The following CCDC102B variants were observed in gnomAD, a reference collection of about 807,000 sequenced individuals.
CCDC102B encodes coiled-coil domain-containing protein 102B.
CCDC102B carries 75 observed loss-of-function variants against 57.4 expected under a neutral mutation model. The observed-to-expected ratio is 1.31, with a 90% CI of 1.08 to 1.58. The LOEUF (loss-of-function observed/expected upper bound fraction) is 1.58, where lower values mean the gene tolerates loss of function less well. CCDC102B is among the 40% of genes most tolerant of loss of function. CCDC102B has a pLI of 0.00. For missense variants in CCDC102B, 636 were observed against 582.6 expected (o/e 1.09, Z -0.94); for synonymous variants, 206 against 201.9 (o/e 1.02, Z -0.17).
chr18:68,822,057 A>T (rs2036711801), intron 1 of CCDC102B, among the ~76,000 whole-genome samples: 1 of 152,140 alleles, frequency 6.6e-6, no homozygotes, highest in Non-Finnish European at 1.5e-5. Context: ...AAAAATTATG[A>T]AAACTACTGT....
chr18:69,024,106 C>A lies in CCDC102B; in HGVS notation c.1434+13002C>A, dbSNP rs372103807. On this transcript the variant is annotated intron_variant, in intron 7 of 7. Transcript: ENST00000360242. The stretch of plus-strand genomic sequence containing the variant: ...CAAAAAAAAATAATAATGGGAAATA[C>A]GCTTTGGAGGTATTAAAGTTATGTT... Among the ~76,000 whole-genome samples the A allele has an allele frequency of 5.3e-5, 8 of 152,014 alleles. 1 individual carries two copies. In the South Asian group the frequency reaches 8.3e-4, roughly 16 times the overall value.
At chr18:68,939,717 T>G (rs530227221) in intron 6 of CCDC102B, among the ~76,000 whole-genome samples, 11 of 151,986 alleles carry the variant, frequency 7.2e-5, no homozygotes, top group African/African-American at 2.6e-4. Flanking sequence ...ATTTTGTTTT[T>G]GCATTTAAGT....
chr18:69,047,082 C>A (rs372806685), intron 7 of CCDC102B, among the ~76,000 whole-genome samples: 2 of 152,022 alleles, frequency 1.3e-5, no homozygotes, highest in Non-Finnish European at 2.9e-5. Context: ...TATTTGGGCT[C>A]TTTTTGCAGA....
chr18:68,953,954 T>C (rs1431873070), intron 6 of CCDC102B, among the ~76,000 whole-genome samples: 1 of 152,070 alleles, frequency 6.6e-6, no homozygotes, highest in African/African-American at 2.4e-5. Flanking sequence ...AAACTCAAAG[T>C]GAATGTCATT....
intron 6 of CCDC102B, among the ~76,000 whole-genome samples, chr18:68,939,445 A>G (rs1335602834): frequency 1.3e-5 from 2 of 151,716 alleles, no homozygotes; most frequent in Admixed American, 6.6e-5. Flanking sequence ...TCTATTCCAA[A>G]CATCATTCTT....
At chr18:68,767,163 G>A (rs2034496421) in intron 2 of CCDC102B, among the ~76,000 whole-genome samples, 1 of 152,170 alleles carries the variant, frequency 6.6e-6, no homozygotes, top group Non-Finnish European at 1.5e-5. Flanking sequence ...CTGCTTTGCT[G>A]TTAATTTACT....
chr18:68,803,854 A>T (rs2035940369), intron 1 of CCDC102B, among the ~76,000 whole-genome samples: 1 of 151,764 alleles, frequency 6.6e-6, no homozygotes, highest in African/African-American at 2.4e-5. Flanking sequence ...GAGTTCAGGG[A>T]TGGTTTATGT....
chr18:68,854,161 C>T (rs1052248153), intron 4 of CCDC102B, among the ~76,000 whole-genome samples: 2 of 151,448 alleles, frequency 1.3e-5, no homozygotes, highest in Non-Finnish European at 2.9e-5. Flanking sequence ...AGTCCAGTGG[C>T]GCGATCTCCG....
chr18:69,031,550 T>A (rs372840916), intron 7 of CCDC102B, among the ~76,000 whole-genome samples: 1 of 152,078 alleles, frequency 6.6e-6, no homozygotes, highest in Non-Finnish European at 1.5e-5. Context: ...GAATAATAGC[T>A]GGAGCTTTAA....
intron 6 of CCDC102B, among the ~76,000 whole-genome samples, chr18:68,938,035 CTT>C (rs2049290413): frequency 6.6e-6 from 1 of 151,958 alleles, no homozygotes; most frequent in African/African-American, 2.4e-5. Flanking sequence ...GGTTCCAAGT[CTT>C]TGCTGTTGTG....
intron 4 of CCDC102B, among the ~76,000 whole-genome samples, chr18:68,874,452 G>T (rs2039363838): frequency 7.3e-6 from 1 of 137,316 alleles, no homozygotes; most frequent in South Asian, 2.5e-4. Context: ...GATTTATGGA[G>T]ATTTGCTGAT....
chr18:68,890,373 C>T (rs755570639), intron 5 of CCDC102B, among the ~76,000 whole-genome samples: 2 of 152,042 alleles, frequency 1.3e-5, no homozygotes, highest in African/African-American at 2.4e-5. Flanking sequence ...GTAACTGAGA[C>T]CAAAGGCACA....
chr18:68,968,328 G>A (rs144575127), intron 6 of CCDC102B, among the ~76,000 whole-genome samples: 121 of 152,274 alleles, frequency 7.9e-4, no homozygotes, highest in Middle Eastern at 3.4e-3. Context: ...CTCTGACGCA[G>A]CTCTGAAATC....
intron 5 of CCDC102B, among the ~76,000 whole-genome samples, chr18:68,877,962 A>T (rs753446307): frequency 2.0e-5 from 3 of 152,216 alleles, no homozygotes; most frequent in Non-Finnish European, 4.4e-5. Flanking sequence ...AAGGATAAGG[A>T]CAAAGCACAT....
chr18:68,864,317 A>G (rs2038884880), intron 4 of CCDC102B, among the ~76,000 whole-genome samples: 1 of 151,994 alleles, frequency 6.6e-6, no homozygotes, highest in South Asian at 2.1e-4. Flanking sequence ...GAGACAGAAA[A>G]GTACAAAGAA....
At chr18:68,949,171 C>T (rs1165472907) in intron 6 of CCDC102B, among the ~76,000 whole-genome samples, 1 of 152,082 alleles carries the variant, frequency 6.6e-6, no homozygotes, top group East Asian at 1.9e-4. Context: ...TCTGCCTTTC[C>T]CAACCCACTG....
rs540696330 is a variant in CCDC102B, at chr18:68,818,011, A to G, written c.-15-18738A>G. 1.6e-3 allele frequency among the ~76,000 whole-genome samples: 247 copies of G among 152,330 alleles called. 2 individuals are homozygous for G. The highest frequency in any genetic ancestry group is 5.8e-3 in the African/African-American group (241 of 41,582). ...AGCTAAAATTTTCATTATATATGTT[A>G]TATATACACATTTCATTACTATTTT... On this transcript the variant is annotated intron_variant, in intron 1 of 7. Transcript: ENST00000360242.
At chr18:68,981,385 T>C (rs1204674920) in intron 6 of CCDC102B, among the ~76,000 whole-genome samples, 1 of 152,150 alleles carries the variant, frequency 6.6e-6, no homozygotes, top group East Asian at 1.9e-4. Context: ...AGAAGAGACA[T>C]GAGGCATAAG....
intron 6 of CCDC102B, among the ~76,000 whole-genome samples, chr18:68,996,409 C>T (rs999101860): frequency 3.3e-5 from 5 of 152,180 alleles, no homozygotes; most frequent in African/African-American, 1.2e-4. Flanking sequence ...GGTTTTGAGA[C>T]TTGGACTGGC....
Sources: gnomAD v4.1 joint callset for allele counts (sites outside exome capture counted in the v4.1 genomes callset) on GRCh38, gnomAD v4.1.1 for gene constraint, MANE v1.5 for transcripts, NCBI Gene and HGNC (gene_info 2026-07-23, HGNC 2026-07-21) for gene names.